Variants in CAMK1G observed in about 807,000 individuals in gnomAD.
CAMK1G encodes calcium/calmodulin dependent protein kinase IG.
CAMK1G carries 27 observed loss-of-function variants against 54.8 expected under a neutral mutation model. The observed-to-expected ratio is 0.49, with a 90% CI of 0.36 to 0.68. The LOEUF (loss-of-function observed/expected upper bound fraction) is 0.68. Among genes scored for constraint, CAMK1G ranks in the 30% least tolerant of loss-of-function variants. The pLI, the probability that CAMK1G is intolerant of heterozygous loss-of-function variation, is 0.00. For missense variants in CAMK1G, 512 were observed against 591.0 expected, an observed-to-expected ratio of 0.87 and a Z score of 1.39; for synonymous variants, 238 against 224.9, an observed-to-expected ratio of 1.06 and a Z score of -0.52.
chr1:209,611,529 A>G lies in CAMK1G; in HGVS notation c.892A>G (p.Asn298Asp). ...ATCAGTCAGCCTCCAGATCCAGAAG[A>G]ACTTTGCTAAGAGCAAGTGGAGGGT... Reference protein sequence around the residue: ...YPSVSLQIQKNFAKSKWRQAF... With the variant: ...YPSVSLQIQKDFAKSKWRQAF... The change falls in exon 10 of 13, where the codon AAC becomes GAC. Residue 298 changes from asparagine (N) to aspartate (D), a missense_variant. Physicochemically the swap from Asn to Asp is conservative, Grantham distance 23. Coordinates refer to ENST00000361322, the MANE Select transcript of CAMK1G (RefSeq NM_020439.3). 1 of 1,614,164 alleles carries G rather than the reference A, an allele frequency of 6.2e-7. No individual in the cohort carries two copies. The highest frequency in any genetic ancestry group is 2.2e-5 in the East Asian group (1 of 44,872).
intron 3 of CAMK1G, among the ~76,000 whole-genome samples, chr1:209,601,011 C>T (rs537473578): frequency 1.3e-5 from 2 of 152,198 alleles, no homozygotes; most frequent in South Asian, 4.2e-4. Context: ...TGAAATGAGA[C>T]CTGATTACAA....
intron 11 of CAMK1G, 138 bp from the exon 12 acceptor site, chr1:209,612,647 G>C: frequency 1.5e-6 from 1 of 666,742 alleles, no homozygotes; most frequent in South Asian, 1.8e-5. Context: ...CTTTTCTGCA[G>C]GTTCTTGAAC....
intron 6 of CAMK1G, among the ~76,000 whole-genome samples, chr1:209,607,643 A>G (rs1665683414): frequency 6.6e-6 from 1 of 152,214 alleles, no homozygotes; most frequent in African/African-American, 2.4e-5. Context: ...GGGGAAACTC[A>G]CAAACTAATG....
intron 3 of CAMK1G, among the ~76,000 whole-genome samples, chr1:209,602,345 AATCACC>A (rs1292157655): frequency 1.3e-5 from 2 of 152,128 alleles, no homozygotes; most frequent in Admixed American, 1.3e-4. Flanking sequence ...CCTGGTTGAG[AATCACC>A]ATCTAAGTCA....
intron 1 of CAMK1G, 69 bp from the exon 2 acceptor site, chr1:209,594,886 T>A: frequency 1.1e-6 from 1 of 879,472 alleles, no homozygotes; most frequent in East Asian, 2.6e-5. Context: ...CAGCCTGTTT[T>A]TAATCTTGTT....
At chr1:209,598,884 G>A (rs1280764474) in intron 2 of CAMK1G, among the ~76,000 whole-genome samples, 1 of 152,190 alleles carries the variant, frequency 6.6e-6, no homozygotes, top group East Asian at 1.9e-4. Context: ...GAGAAGAGCT[G>A]CTTGATCCCA....
chr1:209,590,668 C>A (rs539477477), intron 1 of CAMK1G, among the ~76,000 whole-genome samples: 2 of 152,226 alleles, frequency 1.3e-5, no homozygotes, highest in East Asian at 1.9e-4. Context: ...GGTCCCAGAG[C>A]TGGAAGGCGG....
Position 209,609,994 on chromosome 1 carries a change from T to C in CAMK1G, c.827+65T>C. On this transcript the variant is annotated intron_variant, in intron 9 of 12. Coordinates refer to ENST00000361322, the MANE Select transcript of CAMK1G (RefSeq NM_020439.3). The stretch of plus-strand genomic sequence containing the variant: ...TAGTTCCCAAAACCATGCTGACTCA[T>C]TCATATTGCATTTCCCTGGAATCTG... 8.7e-6 allele frequency: 11 copies of C among 1,261,634 alleles called. No homozygotes were observed. The South Asian group carries it at 1.3e-4, about 15-fold the overall frequency. The allele number at this position is 1,261,634 out of a possible 1,614,324, so 78.2% of individuals were successfully genotyped here.
At chr1:209,599,951 C>T (rs773528384) in intron 2 of CAMK1G, 32 bp from the exon 3 acceptor site, 3 of 1,610,470 alleles carry the variant, frequency 1.9e-6, no homozygotes, top group African/African-American at 1.3e-5. Context: ...CTGCCCCCTA[C>T]TAAGTTTTAT....
rs537133744 is a variant in CAMK1G at position 209,612,638 on chromosome 1, T to A, written c.1341-147T>A. ...GTAGGGGGGCTTGGTTATCTTTATC[T>A]TTTCTGCAGGTTCTTGAACTTTCTG... On this transcript the variant is annotated intron_variant, in intron 11 of 12. Coordinates refer to ENST00000361322, the MANE Select transcript of CAMK1G (RefSeq NM_020439.3). The A allele has an allele frequency of 8.9e-5, 57 of 642,824 alleles. No homozygotes were observed. The East Asian group carries it at 1.6e-3, about 18-fold the overall frequency. 39.8% of individuals were successfully genotyped at this position (642,824 alleles called of 1,614,324 possible).
chr1:209,590,301 A>C (rs1665213433), intron 1 of CAMK1G, among the ~76,000 whole-genome samples: 1 of 152,206 alleles, frequency 6.6e-6, no homozygotes, highest in East Asian at 1.9e-4. Flanking sequence ...CCCACTGTTC[A>C]GACCTCCACC....
At chr1:209,607,486 G>A (rs1003231267) in intron 6 of CAMK1G, among the ~76,000 whole-genome samples, 2 of 152,156 alleles carry the variant, frequency 1.3e-5, no homozygotes, top group African/African-American at 2.4e-5. Flanking sequence ...AGATCTCCCA[G>A]TCTGAAGGGA....
chr1:209,588,358 ATTGGATTGGATTGGATTG>A, intron 1 of CAMK1G, among the ~76,000 whole-genome samples: 1 of 7,964 alleles, frequency 1.3e-4, no homozygotes, highest in Admixed American at 1.1e-3. Flanking sequence ...AGCGGAATGG[ATTGGATTGGATTGGATTG>A]GATTGGATTG....
chr1:209,590,311 C>G (rs1305873517), intron 1 of CAMK1G, among the ~76,000 whole-genome samples: 1 of 152,154 alleles, frequency 6.6e-6, no homozygotes, highest in South Asian at 2.1e-4. Context: ...AGACCTCCAC[C>G]ACACAGGGCA....
At chr1:209,599,829 C>A in intron 2 of CAMK1G, 154 bp from the exon 3 acceptor site, 1 of 485,454 alleles carries the variant, frequency 2.1e-6, no homozygotes, top group Non-Finnish European at 2.7e-6. Flanking sequence ...AAATTTTGTG[C>A]TTTCCTGATG....
chr1:209,606,724 G>T (rs889073084), intron 6 of CAMK1G, among the ~76,000 whole-genome samples: 1 of 152,180 alleles, frequency 6.6e-6, no homozygotes, highest in African/African-American at 2.4e-5. Context: ...TCCAGCCTTT[G>T]TCTTTCCAGC....
rs1229910134 is a variant in CAMK1G, at chr1:209,611,925, C to G, written c.1049C>G (p.Ser350Cys). The change falls in exon 11 of 13, where the codon TCC (serine) becomes TGC (cysteine). Residue 350 changes from serine (S) to cysteine (C), a missense_variant. This residue lies in a region of CAMK1G where 315 missense variants were observed against 330.5 expected (regional missense o/e 0.95). Coordinates refer to ENST00000361322, the MANE Select transcript of CAMK1G (RefSeq NM_020439.3). The stretch of plus-strand genomic sequence containing the variant: ...GCCTCAGAAACCTCTAGACCCAGCT[C>G]CCCTGAGATCACCATCACCGAGGCA... ...TQASETSRPSSPEITITEAPV... is the reference protein window; with the variant it reads ...TQASETSRPSCPEITITEAPV... The G allele has an allele frequency of 6.2e-7, 1 of 1,614,262 alleles. No individual in the cohort carries two copies. Among genetic ancestry groups the G allele is most frequent in the South Asian group, 1.1e-5 (1 of 91,086 alleles).
intron 4 of CAMK1G, among the ~76,000 whole-genome samples, chr1:209,603,786 C>T (rs1665582285): frequency 6.6e-6 from 1 of 152,104 alleles, no homozygotes; most frequent in South Asian, 2.1e-4. Context: ...GGAGCAGAAG[C>T]CACAGGTAGA....
intron 1 of CAMK1G, among the ~76,000 whole-genome samples, chr1:209,589,112 AGAG>A (rs1665182141): frequency 6.6e-6 from 1 of 152,186 alleles, no homozygotes; most frequent in South Asian, 2.1e-4. Context: ...TACTTCCTAT[AGAG>A]GAGATCAACC....
Sources: gnomAD v4.1 joint callset for allele counts (sites outside exome capture counted in the v4.1 genomes callset) on GRCh38, gnomAD v4.1.1 for gene constraint, gnomAD v4.1.1 regional missense constraint, MANE v1.5 for transcripts, NCBI Gene and HGNC (gene_info 2026-07-23, HGNC 2026-07-21) for gene names.